Variants in SAMMSON observed in about 807,000 individuals in gnomAD.
SAMMSON encodes the protein survival associated mitochondrial melanoma specific oncogenic non-coding RNA.
chr3:70,235,265 C>T (rs1316246563), intron 4 of SAMMSON, among the ~76,000 whole-genome samples: 1 of 152,142 alleles, frequency 6.6e-6, no homozygotes, highest in Non-Finnish European at 1.5e-5. Context: ...CTGACTGCTT[C>T]CTCCCTCTGG....
chr3:70,405,673 G>T (rs1455306846), intron 2 of SAMMSON, among the ~76,000 whole-genome samples: 2 of 152,172 alleles, frequency 1.3e-5, no homozygotes, highest in Non-Finnish European at 2.9e-5. Context: ...AAAGCTTGAA[G>T]ATAATAAACA....
At chr3:70,284,915 A>G (rs1702127004) in intron 6 of SAMMSON, among the ~76,000 whole-genome samples, 1 of 152,202 alleles carries the variant, frequency 6.6e-6, no homozygotes, top group African/African-American at 2.4e-5. Context: ...TAAACAAAAA[A>G]GAGTAAATGG....
chr3:70,007,661 T>C (rs559376497), intron 1 of SAMMSON, among the ~76,000 whole-genome samples: 169 of 152,290 alleles, frequency 1.1e-3, no homozygotes, highest in Middle Eastern at 3.4e-3. Context: ...TTAGATCCCA[T>C]TTGTCAATTT....
chr3:70,299,366 T>C (rs1702323618), intron 7 of SAMMSON, among the ~76,000 whole-genome samples: 2 of 152,176 alleles, frequency 1.3e-5, no homozygotes, highest in South Asian at 2.1e-4. Flanking sequence ...AGATGTACAG[T>C]GGCTATCTAT....
intron 2 of SAMMSON, among the ~76,000 whole-genome samples, chr3:70,421,045 G>A (rs1271442006): frequency 1.3e-5 from 2 of 151,680 alleles, no homozygotes; most frequent in Non-Finnish European, 2.9e-5. Context: ...ATGTCTAAAG[G>A]CCCCAGGATT....
chr3:70,199,439 C>T (rs1247253039), intron 4 of SAMMSON, among the ~76,000 whole-genome samples: 1 of 152,146 alleles, frequency 6.6e-6, no homozygotes, highest in Non-Finnish European at 1.5e-5. Context: ...CCTTCTACCT[C>T]CCTATTTTGC....
chr3:70,251,056 A>C (rs1277942623), intron 6 of SAMMSON, among the ~76,000 whole-genome samples: 1 of 152,200 alleles, frequency 6.6e-6, no homozygotes, highest in Non-Finnish European at 1.5e-5. Context: ...TATGCTGTAC[A>C]CGGTTGAATC....
At chr3:70,263,854 T>C (rs866783365) in intron 6 of SAMMSON, among the ~76,000 whole-genome samples, 1 of 152,134 alleles carries the variant, frequency 6.6e-6, no homozygotes, top group African/African-American at 2.4e-5. Context: ...TGGGCGATGG[T>C]GGAACTCACT....
chr3:70,122,849 A>C (rs1173339517), intron 4 of SAMMSON, among the ~76,000 whole-genome samples: 1 of 152,164 alleles, frequency 6.6e-6, no homozygotes, highest in African/African-American at 2.4e-5. Context: ...CAATTTTTAA[A>C]TTGTCTGCCA....
intron 2 of SAMMSON, among the ~76,000 whole-genome samples, chr3:70,419,618 A>G (rs184846599): frequency 6.6e-6 from 1 of 152,218 alleles, no homozygotes; most frequent in African/African-American, 2.4e-5. Context: ...TGGAAACCCC[A>G]CTACAATTAT....
At chr3:70,121,380 G>A (rs1009086682) in intron 4 of SAMMSON, among the ~76,000 whole-genome samples, 1 of 152,054 alleles carries the variant, frequency 6.6e-6, no homozygotes, top group Non-Finnish European at 1.5e-5. Flanking sequence ...CCCTGAGTAG[G>A]AGGATGTCTA....
chr3:70,106,681 G>T (rs2067368496), intron 4 of SAMMSON, among the ~76,000 whole-genome samples: 1 of 152,050 alleles, frequency 6.6e-6, no homozygotes, highest in Non-Finnish European at 1.5e-5. Flanking sequence ...GACCCATGCT[G>T]ACGGTCTCTG....
At chr3:70,128,812 A>T (rs893113409) in intron 4 of SAMMSON, among the ~76,000 whole-genome samples, 2 of 152,214 alleles carry the variant, frequency 1.3e-5, no homozygotes, top group African/African-American at 2.4e-5. Context: ...ATTGTGGTTT[A>T]TTACTAATGA....
intron 4 of SAMMSON, among the ~76,000 whole-genome samples, chr3:70,185,978 A>G (rs1701088442): frequency 1.3e-5 from 2 of 152,102 alleles, no homozygotes; most frequent in Admixed American, 1.3e-4. Context: ...CCTTGTCTCA[A>G]AAAAACCCAG....
intron 4 of SAMMSON, among the ~76,000 whole-genome samples, chr3:70,163,488 T>A (rs1214552355): frequency 6.6e-6 from 1 of 151,864 alleles, no homozygotes; most frequent in African/African-American, 2.4e-5. Context: ...TCCAGTATAG[T>A]TCCCTTCCCC....
intron 4 of SAMMSON, among the ~76,000 whole-genome samples, chr3:70,100,626 T>G (rs774925192): frequency 1.3e-5 from 2 of 152,094 alleles, no homozygotes; most frequent in Non-Finnish European, 2.9e-5. Flanking sequence ...ATGGAACTCA[T>G]CGAAGAACTT....
intron 9 of SAMMSON, among the ~76,000 whole-genome samples, chr3:70,386,334 G>A (rs1703122618): frequency 6.6e-6 from 1 of 151,990 alleles, no homozygotes; most frequent in Non-Finnish European, 1.5e-5. Context: ...TTCCCCATCT[G>A]GTTTACGAGA....
At chr3:70,151,111 T>C (rs2067570419) in intron 4 of SAMMSON, among the ~76,000 whole-genome samples, 1 of 123,544 alleles carries the variant, frequency 8.1e-6, no homozygotes, top group African/African-American at 3.0e-5. Flanking sequence ...TTAATGGAAC[T>C]GGTTAAACAG....
intron 6 of SAMMSON, among the ~76,000 whole-genome samples, chr3:70,259,108 A>G (rs937371814): frequency 1.4e-4 from 22 of 152,296 alleles, no homozygotes; most frequent in African/African-American, 5.3e-4. Flanking sequence ...GCTAGCACTC[A>G]GTTTATATTC....
Sources: allele counts gnomAD v4.1 joint callset (sites outside exome capture counted in the v4.1 genomes callset), GRCh38; gene constraint gnomAD v4.1.1; transcripts MANE v1.5; gene names NCBI Gene and HGNC (gene_info 2026-07-23, HGNC 2026-07-21).